The following ARHGAP10 variants were observed in gnomAD, a reference collection of about 807,000 sequenced individuals.
ARHGAP10 encodes the protein rho GTPase-activating protein 10.
Under a neutral mutation model 108.6 loss-of-function variants are expected in ARHGAP10, and 87 were observed. The observed-to-expected ratio is 0.80, with a 90% CI of 0.67 to 0.96. The LOEUF (loss-of-function observed/expected upper bound fraction) is 0.96. Ranked by LOEUF, ARHGAP10 falls within the 40% of genes least tolerant of loss-of-function variation. ARHGAP10 has a pLI of 0.00. For synonymous variants in ARHGAP10, 347 were observed against 341.1 expected (o/e 1.02, Z -0.19); for missense variants, 939 against 954.5 (o/e 0.98, Z 0.21).
intron 18 of ARHGAP10, among the ~76,000 whole-genome samples, chr4:147,993,471 A>T (rs540920287): frequency 6.6e-6 from 1 of 152,340 alleles, no homozygotes; most frequent in African/African-American, 2.4e-5. Context: ...ACAATTATTA[A>T]TTTATTCAGC....
rs1157665405 is a variant in ARHGAP10, at chr4:147,822,939, G to C, written c.294G>C (p.Glu98Asp). 1 of 1,613,566 alleles carries C rather than the reference G, an allele frequency of 6.2e-7. No individual in the cohort carries two copies. Among genetic ancestry groups the C allele is most frequent in the East Asian group, 2.2e-5 (1 of 44,890 alleles). Reference protein sequence around the residue: ...REFSNFLKNLEEQREIMALSV... With the variant: ...REFSNFLKNLDEQREIMALSV... ...TTTCAAATTTTTTGAAGAATCTGGA[G>C]GAACAGAGAGAAATTATGGTGAGTT... The change falls in exon 3 of 23, where the codon GAG becomes GAC. Residue 98 changes from glutamate (E) to aspartate (D), a missense_variant. Transcript: ENST00000336498.
chr4:147,890,758 C>T (rs186772505), intron 10 of ARHGAP10, among the ~76,000 whole-genome samples: 126 of 152,020 alleles, frequency 8.3e-4, no homozygotes, highest in African/African-American at 2.8e-3. Flanking sequence ...ACCCGGGAGA[C>T]GGAGGTTGCA....
intron 18 of ARHGAP10, among the ~76,000 whole-genome samples, chr4:147,980,706 GT>G (rs1344066080): frequency 6.6e-6 from 1 of 151,924 alleles, no homozygotes; most frequent in Non-Finnish European, 1.5e-5. Flanking sequence ...TACTGATTCA[GT>G]TTCATTACTC....
chr4:147,869,264 G>A (rs889942067), intron 7 of ARHGAP10, among the ~76,000 whole-genome samples: 1 of 152,146 alleles, frequency 6.6e-6, no homozygotes, highest in South Asian at 2.1e-4. Context: ...GGTGAGCTGT[G>A]GGGAAACATC....
At chr4:147,971,741 C>G (rs1234985938) in intron 18 of ARHGAP10, among the ~76,000 whole-genome samples, 4 of 152,066 alleles carry the variant, frequency 2.6e-5, no homozygotes, top group Non-Finnish European at 5.9e-5. Context: ...CGCTTTAGGA[C>G]TTTTGCATTT....
chr4:147,786,382 A>G lies in ARHGAP10; in HGVS notation c.155-36345A>G, dbSNP rs191123369. 3.9e-3 allele frequency among the ~76,000 whole-genome samples: 595 copies of G among 152,324 alleles called. 6 individuals are homozygous for G. The highest frequency in any genetic ancestry group is 0.013 in the African/African-American group (556 of 41,578). ...ACTGCCCGGTGAGACTGGGAAGTCT[A>G]GGAGCCTGCTGCGGCATCCTGAAAA... On this transcript the variant is annotated intron_variant, in intron 1 of 22. Transcript: ENST00000336498.
At chr4:147,804,030 A>G (rs1031703238) in intron 1 of ARHGAP10, among the ~76,000 whole-genome samples, 1 of 148,152 alleles carries the variant, frequency 6.7e-6, no homozygotes, top group Non-Finnish European at 1.5e-5. Flanking sequence ...TCAGGGGTAC[A>G]TGTGCAGGTT....
intron 1 of ARHGAP10, among the ~76,000 whole-genome samples, chr4:147,740,671 T>C (rs1297794870): frequency 2.0e-5 from 3 of 152,172 alleles, no homozygotes; most frequent in African/African-American, 7.2e-5. Context: ...CTCCACTCTG[T>C]CTCTCTCAAT....
At chr4:147,971,773 A>G (rs181583404) in intron 18 of ARHGAP10, among the ~76,000 whole-genome samples, 74 of 152,286 alleles carry the variant, frequency 4.9e-4, no homozygotes, top group African/African-American at 1.7e-3. Flanking sequence ...TACTGGGGCC[A>G]CTCATAGTTT....
At chr4:147,864,698 A>G in intron 5 of ARHGAP10, 148 bp from the exon 6 acceptor site, 1 of 608,230 alleles carries the variant, frequency 1.6e-6, no homozygotes, top group Non-Finnish European at 2.9e-6. Flanking sequence ...TACATAAATG[A>G]ATTGTCGTAC....
At chr4:147,929,947 ATG>A (rs1737610448) in intron 13 of ARHGAP10, among the ~76,000 whole-genome samples, 1 of 152,184 alleles carries the variant, frequency 6.6e-6, no homozygotes, top group Admixed American at 6.5e-5. Flanking sequence ...GTGCATACAC[ATG>A]TGTGTATATA....
At chr4:148,064,574 T>TG (rs1179993732) in intron 22 of ARHGAP10, 67 bp downstream of exon 22, 3 of 1,393,102 alleles carry the variant, frequency 2.2e-6, no homozygotes, top group Admixed American at 1.7e-5. Flanking sequence ...CAGCATGGAG[T>TG]GAGCAGTCAG....
chr4:147,784,803 T>G (rs1246061747), intron 1 of ARHGAP10, among the ~76,000 whole-genome samples: 2 of 52,134 alleles, frequency 3.8e-5, no homozygotes, highest in African/African-American at 3.1e-4. Context: ...ATATTATAAA[T>G]ATAATATATT....
At chr4:147,954,079 C>T (rs1007892631) in intron 15 of ARHGAP10, among the ~76,000 whole-genome samples, 37 of 151,734 alleles carry the variant, frequency 2.4e-4, no homozygotes, top group Non-Finnish European at 2.1e-4. Flanking sequence ...TGTCTTAAAC[C>T]CTTTTTATTT....
intron 13 of ARHGAP10, among the ~76,000 whole-genome samples, chr4:147,932,095 C>G (rs1335422479): frequency 6.6e-6 from 1 of 152,018 alleles, no homozygotes; most frequent in Non-Finnish European, 1.5e-5. Flanking sequence ...TAGAGAAATG[C>G]AAGTCAAAAC....
At chr4:147,769,653 T>C (rs1436153421) in intron 1 of ARHGAP10, among the ~76,000 whole-genome samples, 1 of 152,252 alleles carries the variant, frequency 6.6e-6, no homozygotes, top group Admixed American at 6.5e-5. Flanking sequence ...CTACTCATTG[T>C]AACTTTAATG....
chr4:148,056,420 A>G (rs957646195), intron 20 of ARHGAP10, among the ~76,000 whole-genome samples: 1 of 152,200 alleles, frequency 6.6e-6, no homozygotes, highest in Non-Finnish European at 1.5e-5. Context: ...TGAAAAACCT[A>G]TGTGGGGTTG....
At chr4:147,872,616 C>T (rs556050878) in intron 7 of ARHGAP10, among the ~76,000 whole-genome samples, 41 of 152,252 alleles carry the variant, frequency 2.7e-4, no homozygotes, top group African/African-American at 8.9e-4. Context: ...AAGCCTCACC[C>T]ATAACAGAAA....
intron 18 of ARHGAP10, among the ~76,000 whole-genome samples, chr4:147,992,333 T>C (rs1245464469): frequency 6.6e-6 from 1 of 152,202 alleles, no homozygotes; most frequent in Non-Finnish European, 1.5e-5. Flanking sequence ...TGAGTCACAC[T>C]GACCACCCCT....
Sources: allele counts gnomAD v4.1 joint callset (sites outside exome capture counted in the v4.1 genomes callset), GRCh38; gene constraint gnomAD v4.1.1; transcripts MANE v1.5; gene names NCBI Gene and HGNC (gene_info 2026-07-23, HGNC 2026-07-21).